Variants in TRIM2 observed in about 807,000 individuals in gnomAD.
TRIM2 encodes the protein tripartite motif containing 2, also known as tripartite motif-containing protein 2.
In TRIM2, 20 loss-of-function variants were observed where a neutral mutation model predicts 75.2. The observed-to-expected ratio is 0.27, with a 90% CI of 0.19 to 0.39. TRIM2 has a LOEUF of 0.39. Ranked by LOEUF, TRIM2 falls within the 10% of genes least tolerant of loss-of-function variation. The pLI, the probability that TRIM2 is intolerant of heterozygous loss-of-function variation, is 1.00. For missense variants in TRIM2, 660 were observed against 990.8 expected (o/e 0.67, Z 4.48); for synonymous variants, 373 against 388.3 (o/e 0.96, Z 0.46).
intron 2 of TRIM2, among the ~76,000 whole-genome samples, chr4:153,274,480 T>C (rs1366312567): frequency 1.3e-5 from 2 of 152,212 alleles, no homozygotes; most frequent in Non-Finnish European, 1.5e-5. Flanking sequence ...TTTGTTCATG[T>C]TGAGTTTTAG....
chr4:153,262,043 T>C (rs1010401833), intron 1 of TRIM2, among the ~76,000 whole-genome samples: 3 of 152,248 alleles, frequency 2.0e-5, no homozygotes, highest in African/African-American at 7.2e-5. Flanking sequence ...ACAAGCTCTG[T>C]TTAGTTGGCA....
In TRIM2 at chr4:153,234,914, C is replaced by T. The variant is rs73854610; in HGVS notation, c.30+30354C>T. On this transcript the variant is annotated intron_variant, in intron 1 of 11. Transcript: ENST00000338700. ...GGAACTCAATTAATTGCCACTTTCT[C>T]TCTCCAATTCTTAACCTTCCCCGTG... 2.9e-3 allele frequency among the ~76,000 whole-genome samples: 448 copies of T among 152,302 alleles called. 2 individuals are homozygous for T. The highest frequency in any genetic ancestry group is 0.01 in the African/African-American group (427 of 41,554).
At chr4:153,252,713 T>G (rs1751162921) in intron 1 of TRIM2, among the ~76,000 whole-genome samples, 1 of 152,206 alleles carries the variant, frequency 6.6e-6, no homozygotes, top group African/African-American at 2.4e-5. Context: ...TTTCACTATC[T>G]TGGCCAGGCT....
intron 3 of TRIM2, among the ~76,000 whole-genome samples, chr4:153,278,763 G>A (rs542091883): frequency 1.6e-4 from 23 of 148,284 alleles, no homozygotes; most frequent in African/African-American, 5.0e-4. Context: ...GCGCCTCTGC[G>A]CTCCAACCCA....
rs1291783971 is a variant in TRIM2 at position 153,337,339 on chromosome 4, A to G, written c.*2373A>G. ...TTAACTTACAATCTAACCAGCCATC[A>G]TATCATATCCTATCAGGCTAGATAT... is the stretch of plus-strand genomic sequence containing the variant. On this transcript the variant is annotated 3_prime_UTR_variant, in exon 12 of 12. Coordinates refer to ENST00000338700, the MANE Select transcript of TRIM2 (RefSeq NM_015271.5). 5 of 985,894 alleles carry G rather than the reference A, an allele frequency of 5.1e-6. No individual in the cohort carries two copies. The highest frequency in any genetic ancestry group is 6.0e-6 in the Non-Finnish European group (5 of 829,930). The allele number at this position is 985,894 out of a possible 1,614,324, so 61.1% of individuals were successfully genotyped here. A position where few individuals can be genotyped will look rare whatever the true frequency, so the allele number is the denominator to read the frequency against.
At chr4:153,209,938 C>A (rs765591180) in intron 1 of TRIM2, among the ~76,000 whole-genome samples, 1 of 152,044 alleles carries the variant, frequency 6.6e-6, no homozygotes, top group Non-Finnish European at 1.5e-5. Context: ...TTCAACTGAA[C>A]TTTAAAGCTG....
At chr4:153,302,647 G>C (rs575896705) in intron 6 of TRIM2, among the ~76,000 whole-genome samples, 1 of 152,310 alleles carries the variant, frequency 6.6e-6, no homozygotes, top group African/African-American at 2.4e-5. Context: ...AGTGTGAAAA[G>C]GTCAAAGGGA....
At chr4:153,189,283 C>T (rs1261633240) in intron 1 of TRIM2, among the ~76,000 whole-genome samples, 1 of 152,210 alleles carries the variant, frequency 6.6e-6, no homozygotes, top group Non-Finnish European at 1.5e-5. Context: ...TAATCCAAAA[C>T]AGAGTCTAGT....
chr4:153,326,979 C>CAAACAA (rs1770352182), intron 10 of TRIM2, among the ~76,000 whole-genome samples: 1 of 98,978 alleles, frequency 1.0e-5, no homozygotes, highest in Non-Finnish European at 2.0e-5. Context: ...GACTCCATCT[C>CAAACAA]AAAAAAAAAA....
At chr4:153,187,794 A>C (rs564297981) in intron 1 of TRIM2, among the ~76,000 whole-genome samples, 1 of 152,284 alleles carries the variant, frequency 6.6e-6, no homozygotes, top group Non-Finnish European at 1.5e-5. Context: ...CGGCCGCATC[A>C]TAGGTGTTTC....
chr4:153,179,878 G>A (rs571774057), intron 1 of TRIM2, among the ~76,000 whole-genome samples: 15 of 152,314 alleles, frequency 9.8e-5, no homozygotes, highest in African/African-American at 3.6e-4. Context: ...TCCAGCCACT[G>A]TGTTGAAGAT....
At chr4:153,239,517 A>G (rs1344449731) in intron 1 of TRIM2, among the ~76,000 whole-genome samples, 1 of 152,178 alleles carries the variant, frequency 6.6e-6, no homozygotes, top group Non-Finnish European at 1.5e-5. Flanking sequence ...GTGTTAAAGA[A>G]TGCAATCACC....
At chr4:153,305,279 T>C (rs542003766) in intron 6 of TRIM2, among the ~76,000 whole-genome samples, 1 of 152,350 alleles carries the variant, frequency 6.6e-6, no homozygotes, top group South Asian at 2.1e-4. Flanking sequence ...TTACAAAGTT[T>C]CCTTTGTTTT....
chr4:153,314,921 C>T (rs964488360), intron 6 of TRIM2, among the ~76,000 whole-genome samples: 1 of 152,142 alleles, frequency 6.6e-6, no homozygotes, highest in African/African-American at 2.4e-5. Context: ...TTTCCTGTTG[C>T]ATATCCTTAG....
chr4:153,180,234 AT>A (rs1295921018), intron 1 of TRIM2, among the ~76,000 whole-genome samples: 1 of 152,044 alleles, frequency 6.6e-6, no homozygotes, highest in Non-Finnish European at 1.5e-5. Flanking sequence ...ATTTTTCATT[AT>A]TTTGCTGTGT....
chr4:153,316,145 G>C (rs1767533936), intron 8 of TRIM2, 146 bp downstream of exon 8: 1 of 786,148 alleles, frequency 1.3e-6, no homozygotes, highest in Admixed American at 3.6e-5. Flanking sequence ...AGTTTGTGAA[G>C]TGAGAGTAAC....
intron 6 of TRIM2, among the ~76,000 whole-genome samples, chr4:153,305,326 A>G (rs1033547302): frequency 6.6e-6 from 1 of 152,224 alleles, no homozygotes; most frequent in Non-Finnish European, 1.5e-5. Flanking sequence ...AAAGCTTGGA[A>G]CAATGCCTGG....
intron 1 of TRIM2, among the ~76,000 whole-genome samples, chr4:153,214,618 G>A (rs769926112): frequency 3.3e-5 from 5 of 152,146 alleles, no homozygotes; most frequent in Non-Finnish European, 5.9e-5. Flanking sequence ...CAGCAACTAA[G>A]GTTTATGTTG....
chr4:153,315,659 CT>C, intron 7 of TRIM2, 71 bp downstream of exon 7: 2 of 1,444,524 alleles, frequency 1.4e-6, no homozygotes, highest in Non-Finnish European at 1.9e-6. Context: ...TATATTCCTA[CT>C]TTAGACTTCA....
Sources: gnomAD v4.1 joint callset for allele counts (sites outside exome capture counted in the v4.1 genomes callset) on GRCh38, gnomAD v4.1.1 for gene constraint, MANE v1.5 for transcripts, NCBI Gene and HGNC (gene_info 2026-07-23, HGNC 2026-07-21) for gene names.